PCDHGA2: variants seen among roughly 807,000 people sequenced by gnomAD.
The protein encoded by PCDHGA2 is protocadherin gamma subfamily A, 2.
Under a neutral mutation model 59.2 loss-of-function variants are expected in PCDHGA2, and 40 were observed. The observed-to-expected ratio is 0.68, with a 90% CI of 0.52 to 0.88. PCDHGA2 has a LOEUF of 0.88. PCDHGA2 is among the 40% of genes least tolerant of loss of function. The pLI is 0.00. For missense variants in PCDHGA2, 1,226 were observed against 1,204.0 expected, an observed-to-expected ratio of 1.02 and a Z score of -0.27; for synonymous variants, 560 against 526.0, an observed-to-expected ratio of 1.06 and a Z score of -0.89.
intron 1 of PCDHGA2, among the ~76,000 whole-genome samples, chr5:141,407,684 G>C (rs2094967978): frequency 6.6e-6 from 1 of 152,094 alleles, no homozygotes; most frequent in South Asian, 2.1e-4. Flanking sequence ...GATTGGCTTT[G>C]TGGTGATCAT....
At position 141,340,131 on chromosome 5, in the gene PCDHGA2, C is replaced by T; in HGVS notation, c.1160C>T (p.Pro387Leu). Residue 387 changes from proline to leucine, a missense_variant, in exon 1 of 4, where the codon CCC (proline) becomes CTC (leucine). Transcript: ENST00000394576. ...GQNAFTTCSL[P>L]EDLPFKLEKS... The stretch of plus-strand genomic sequence containing the variant: ...AACGCATTCACCACCTGTTCACTCC[C>T]CGAGGATCTTCCTTTTAAGTTAGAA... The T allele has an allele frequency of 6.2e-7, 1 of 1,614,156 alleles. No homozygotes were observed. The highest frequency in any genetic ancestry group is 8.5e-7 in the Non-Finnish European group (1 of 1,180,018).
intron 1 of PCDHGA2, chr5:141,383,343 T>TG (rs760440635): frequency 1.2e-6 from 2 of 1,613,888 alleles, no homozygotes; most frequent in Non-Finnish European, 1.7e-6. Flanking sequence ...ATACAGCTCC[T>TG]GGGGTTCGGT....
At chr5:141,415,257 T>G in intron 1 of PCDHGA2, 1 of 1,614,170 alleles carries the variant, frequency 6.2e-7, no homozygotes, top group Non-Finnish European at 8.5e-7. Flanking sequence ...CAGACCTCAC[T>G]CTGTACCTGG....
At chr5:141,406,547 A>G (rs1414255326) in intron 1 of PCDHGA2, among the ~76,000 whole-genome samples, 1 of 152,216 alleles carries the variant, frequency 6.6e-6, no homozygotes, top group Non-Finnish European at 1.5e-5. Flanking sequence ...TTCAAACTTC[A>G]GTTATCCACT....
intron 1 of PCDHGA2, chr5:141,345,742 A>T (rs1428299449): frequency 1.2e-6 from 2 of 1,614,140 alleles, no homozygotes; most frequent in Non-Finnish European, 1.7e-6. Context: ...CTCCCCACAG[A>T]CGGTTCCACT....
rs190955361 is a variant in PCDHGA2, at chr5:141,486,090, G to A, written c.2425-8717G>A. On this transcript the variant is annotated intron_variant, in intron 1 of 3. Transcript: ENST00000394576. The surrounding 1 kb of genome is among the most constrained non-coding windows in gnomAD (Gnocchi z 5.0). ...ACTACTGGAAAGCTTACTCTTTTGG[G>A]GCCCCTAGACTTTGAGAGTGAGAAT... 3 of 1,614,086 alleles carry A rather than the reference G, an allele frequency of 1.9e-6. No homozygotes were observed. The highest frequency in any genetic ancestry group is 1.6e-4 in the Middle Eastern group (1 of 6,062).
Position 141,489,216 on chromosome 5 carries a change from C to G in PCDHGA2, c.2425-5591C>G. The G allele has an allele frequency of 6.7e-7, 1 of 1,486,698 alleles. No individual in the cohort carries two copies. Among genetic ancestry groups the G allele is most frequent in the Non-Finnish European group, 9.1e-7 (1 of 1,103,260 alleles). 92.1% of individuals were successfully genotyped at this position (1,486,698 alleles called of 1,614,324 possible). ...TTGGAGACAGGACAGCACAGACTTA[C>G]TCTCCACAAAGGGACTTCTGGGTCA... On this transcript the variant is annotated intron_variant, in intron 1 of 3. Transcript: ENST00000394576. This position sits in a 1 kb window ranked among gnomAD's most constrained non-coding sequence, Gnocchi z 4.5.
At chr5:141,343,110 C>G (rs1757255278) in intron 1 of PCDHGA2, 4 of 185,262 alleles carry the variant, frequency 2.2e-5, no homozygotes, top group Non-Finnish European at 4.1e-5. Flanking sequence ...CTGCAATTCC[C>G]TGTTTGCTTT....
chr5:141,441,883 A>T, intron 1 of PCDHGA2: 1 of 343,546 alleles, frequency 2.9e-6, no homozygotes, highest in South Asian at 2.6e-5. Context: ...CTACCTGGTC[A>T]CCAAGGTGGT....
rs2099399818 is a variant in PCDHGA2, at chr5:141,476,845, C to G, written c.2425-17962C>G. 6.2e-7 allele frequency: 1 copy of G among 1,613,794 alleles called. No individual in the cohort carries two copies. Among genetic ancestry groups the G allele is most frequent in the African/African-American group, 1.3e-5 (1 of 75,078 alleles). ...TGGACGCGAATGACAATGCGCCTGTCTTCAACCAGTCCTTGTACCGGGCGC... is the reference window on the plus strand; with the variant it reads ...TGGACGCGAATGACAATGCGCCTGTGTTCAACCAGTCCTTGTACCGGGCGC... On this transcript the variant is annotated intron_variant, in intron 1 of 3. Transcript: ENST00000394576. This position sits in a 1 kb window ranked among gnomAD's most constrained non-coding sequence, Gnocchi z 7.6.
chr5:141,449,681 G>A (rs2098651836), intron 1 of PCDHGA2, among the ~76,000 whole-genome samples: 1 of 149,394 alleles, frequency 6.7e-6, no homozygotes, highest in Non-Finnish European at 1.5e-5. Context: ...ATGTATATAT[G>A]TTTGTGTGTA....
chr5:141,496,467 T>A (rs1334392771), intron 2 of PCDHGA2, among the ~76,000 whole-genome samples: 1 of 152,056 alleles, frequency 6.6e-6, no homozygotes, highest in Non-Finnish European at 1.5e-5. Context: ...GAGTTATCTT[T>A]CCCCCATCCT....
intron 1 of PCDHGA2, chr5:141,362,441 A>T: frequency 2.5e-6 from 4 of 1,614,052 alleles, no homozygotes; most frequent in Non-Finnish European, 3.4e-6. Context: ...AATTTTCTGA[A>T]CATAACCCCG....
At chr5:141,419,782 C>T (rs765128711) in intron 1 of PCDHGA2, 9 of 1,614,058 alleles carry the variant, frequency 5.6e-6, no homozygotes, top group Non-Finnish European at 7.6e-6. Flanking sequence ...TCCGCCAGCG[C>T]CTGCTAGTCG....
chr5:141,383,730 G>T (rs781549329), intron 1 of PCDHGA2: 2 of 1,613,866 alleles, frequency 1.2e-6, no homozygotes, highest in Admixed American at 3.3e-5. Context: ...ATGGGGAAGT[G>T]ACATATTCTT....
chr5:141,364,603 C>T (rs1763435193), intron 1 of PCDHGA2: 2 of 1,614,062 alleles, frequency 1.2e-6, no homozygotes, highest in African/African-American at 1.3e-5. Flanking sequence ...GCAGGATAGA[C>T]CGGGAGGAGC....
intron 1 of PCDHGA2, chr5:141,427,032 A>G (rs1227315080): frequency 2.2e-6 from 1 of 457,206 alleles, no homozygotes; most frequent in East Asian, 6.9e-5. Flanking sequence ...AGTCAGCCTT[A>G]GAGAGAATGT....
intron 1 of PCDHGA2, chr5:141,419,504 C>T (rs577411043): frequency 4.7e-5 from 75 of 1,612,298 alleles, no homozygotes; most frequent in South Asian, 2.7e-4. Flanking sequence ...TGTGAGCCTG[C>T]GCGTGTTGGT....
In PCDHGA2 at chr5:141,491,665, C is replaced by A; in HGVS notation, c.2425-3142C>A. 1 of 1,613,764 alleles carries A rather than the reference C, an allele frequency of 6.2e-7. No individual in the cohort carries two copies. Among genetic ancestry groups the A allele is most frequent in the Admixed American group, 1.7e-5 (1 of 60,034 alleles). On this transcript the variant is annotated intron_variant, in intron 1 of 3. Coordinates refer to ENST00000394576, the MANE Select transcript of PCDHGA2 (RefSeq NM_018915.4). The surrounding 1 kb of genome is among the most constrained non-coding windows in gnomAD (Gnocchi z 6.9). ...TCTGGCGCTGGAGCCTGACGCCATCCGGTCCCGCTCTAATACGCTGCGGGA... is the reference window on the plus strand; with the variant it reads ...TCTGGCGCTGGAGCCTGACGCCATCAGGTCCCGCTCTAATACGCTGCGGGA...
Sources: allele counts gnomAD v4.1 joint callset (sites outside exome capture counted in the v4.1 genomes callset), GRCh38; gene constraint gnomAD v4.1.1; non-coding constraint Gnocchi (gnomAD v3.1); transcripts MANE v1.5; gene names NCBI Gene and HGNC (gene_info 2026-07-23, HGNC 2026-07-21).